CCDC92: variants seen among roughly 807,000 people sequenced by gnomAD.
CCDC92 encodes coiled-coil domain containing 92.
CCDC92 carries 12 observed loss-of-function variants against 24.9 expected under a neutral mutation model. The ratio of observed to expected loss-of-function variants is 0.48; its 90% CI spans 0.31 to 0.78. The LOEUF is 0.78. CCDC92 is among the 30% of genes least tolerant of loss of function. The pLI, the probability that CCDC92 is intolerant of heterozygous loss-of-function variation, is 0.05. For missense variants in CCDC92, 399 were observed against 439.4 expected (o/e 0.91, Z 0.82); for synonymous variants, 193 against 196.3 (o/e 0.98, Z 0.14).
intron 1 of CCDC92, among the ~76,000 whole-genome samples, chr12:123,956,967 AT>A (rs2138100079): frequency 6.6e-6 from 1 of 152,320 alleles, no homozygotes; most frequent in African/African-American, 2.4e-5. Flanking sequence ...GTATTTTCTT[AT>A]TCTTACTGTC....
At chr12:123,948,459 G>T (rs867460362) in intron 1 of CCDC92, among the ~76,000 whole-genome samples, 33 of 152,198 alleles carry the variant, frequency 2.2e-4, no homozygotes, top group Non-Finnish European at 3.8e-4. Flanking sequence ...TCCTTAAAGC[G>T]TCCCATTATA....
chr12:123,957,445 G>A (rs1956173153), intron 1 of CCDC92, among the ~76,000 whole-genome samples: 1 of 152,178 alleles, frequency 6.6e-6, no homozygotes, highest in Non-Finnish European at 1.5e-5. Flanking sequence ...GCCCCACGAT[G>A]CCTTTCAGTT....
intron 1 of CCDC92, among the ~76,000 whole-genome samples, chr12:123,951,596 G>A (rs572455197): frequency 7.2e-5 from 11 of 152,302 alleles, no homozygotes; most frequent in East Asian, 1.9e-4. Flanking sequence ...CATGAACAAC[G>A]GGAGCCCTGC....
At chr12:123,956,561 G>A (rs1017251350) in intron 1 of CCDC92, 5 of 152,208 alleles carry the variant, frequency 3.3e-5, no homozygotes, top group African/African-American at 1.2e-4. Context: ...TCCCAGAATC[G>A]TATGTTTCAG....
chr12:123,944,227 C>A, intron 2 of CCDC92, 45 bp downstream of exon 2: 1 of 1,286,556 alleles, frequency 7.8e-7, no homozygotes, highest in East Asian at 2.3e-5. Context: ...CCCTCCCAGC[C>A]CCAGCTTCCA....
chr12:123,960,807 T>C lies in CCDC92; in HGVS notation c.-60+11722A>G, dbSNP rs1427650654. 3 of 152,258 alleles carry C rather than the reference T, an allele frequency of 2.0e-5. No homozygotes were observed. The South Asian group carries it at 6.2e-4, about 31-fold the overall frequency. 9.4% of individuals were successfully genotyped at this position (152,258 alleles called of 1,614,324 possible). On this transcript the variant is annotated intron_variant, in intron 1 of 4. Coordinates refer to ENST00000238156, the MANE Select transcript of CCDC92 (RefSeq NM_025140.3). ...CCAAATTTAAAAGTGCACTGTCCCA[T>C]GAATTCCAAAGCCTAGTCGCCTAGC...
chr12:123,942,658 C>T (rs1955721197), intron 4 of CCDC92, 86 bp downstream of exon 4: 1 of 1,010,806 alleles, frequency 9.9e-7, no homozygotes, highest in African/African-American at 1.6e-5. Flanking sequence ...AGCATTTTCT[C>T]CTAAGTGTGT....
rs113850471 is a variant in CCDC92, at chr12:123,956,758, G to A, written c.-59-12394C>T. 1.0e-3 allele frequency among the ~76,000 whole-genome samples: 157 copies of A among 152,246 alleles called. 1 individual carries two copies. Among genetic ancestry groups the A allele is most frequent in the African/African-American group, 3.4e-3 (143 of 41,540 alleles). ...TCTTTGCAACCAAATTTTGATCATC[G>A]TAGATAAATGAGCCATTAGTGCATT... is the stretch of plus-strand genomic sequence containing the variant. On this transcript the variant is annotated intron_variant, in intron 1 of 4. Transcript: ENST00000238156.
Position 123,937,202 on chromosome 12 carries a change from C to G in CCDC92, c.852G>C (p.Pro284=). Residue 284 remains proline, a synonymous_variant, in exon 5 of 5, where the codon CCG becomes CCC. Transcript: ENST00000238156. The surrounding 1 kb of genome is among the most constrained non-coding windows in gnomAD (Gnocchi z 8.4). ...GTGCCACCCCGACGTGGGCCTTGTG[C>G]GGCTTTTCGCGGGCCGGGCTGTGCT... ...GEQHSPAREK[P]HKAHVGVAHR... The G allele has an allele frequency of 1.9e-6, 3 of 1,609,164 alleles. No homozygotes were observed. Among genetic ancestry groups the G allele is most frequent in the Non-Finnish European group, 2.5e-6 (3 of 1,179,294 alleles).
rs1274537752 is a variant in CCDC92, at chr12:123,935,773, G to C, written c.*1285C>G. 1 of 305,084 alleles carries C rather than the reference G, an allele frequency of 3.3e-6. No individual in the cohort carries two copies. The highest frequency in any genetic ancestry group is 6.1e-6 in the Non-Finnish European group (1 of 164,652). The allele number at this position is 305,084 out of a possible 1,614,324, so 18.9% of individuals were successfully genotyped here. A position where few individuals can be genotyped will look rare whatever the true frequency, so the allele number is the denominator to read the frequency against. On this transcript the variant is annotated 3_prime_UTR_variant, in exon 5 of 5. Transcript: ENST00000238156. Reference sequence around the variant, plus strand: ...AGAGAAAACACTTGATTAGGCAAAAGTGCCTGGCATACATAGCATTGGCAC... The same window carrying C: ...AGAGAAAACACTTGATTAGGCAAAACTGCCTGGCATACATAGCATTGGCAC...
chr12:123,958,876 A>G (rs1292154776), intron 1 of CCDC92, among the ~76,000 whole-genome samples: 3 of 152,104 alleles, frequency 2.0e-5, no homozygotes, highest in Non-Finnish European at 4.4e-5. Flanking sequence ...ACAGGCCTAC[A>G]TTTTTCCTGA....
chr12:123,937,728 A>C lies in CCDC92; in HGVS notation c.326T>G (p.Leu109Arg), dbSNP rs756831339. 5.0e-6 allele frequency: 8 copies of C among 1,613,984 alleles called. No homozygotes were observed. Among genetic ancestry groups the C allele is most frequent in the Admixed American group, 1.7e-5 (1 of 60,008 alleles). The change falls in exon 5 of 5, where the codon CTG becomes CGG. Residue 109 changes from leucine to arginine, a missense_variant. Physicochemically the swap from Leu to Arg is moderately radical, Grantham distance 102. Transcript: ENST00000238156. This position sits in a 1 kb window ranked among gnomAD's most constrained non-coding sequence, Gnocchi z 8.4. Reference sequence around the variant, plus strand: ...TGTGATCATCGCGTTTTTCTGCTCCAGTTCTTTCAACAACTCAGCATTTTC... The same window carrying C: ...TGTGATCATCGCGTTTTTCTGCTCCCGTTCTTTCAACAACTCAGCATTTTC... Reference protein sequence around the residue: ...ENENAELLKELEQKNAMITVL... With the variant: ...ENENAELLKEREQKNAMITVL...
intron 1 of CCDC92, among the ~76,000 whole-genome samples, chr12:123,966,786 C>G (rs887437031): frequency 6.6e-6 from 1 of 152,220 alleles, no homozygotes; most frequent in African/African-American, 2.4e-5. Flanking sequence ...GCACTCTGCT[C>G]TAACCACAGC....
intron 1 of CCDC92, among the ~76,000 whole-genome samples, chr12:123,952,962 C>A (rs184577826): frequency 2.0e-5 from 3 of 152,236 alleles, no homozygotes. Flanking sequence ...CGAGTTGCAA[C>A]CTCTCTGAGT....
intron 4 of CCDC92, among the ~76,000 whole-genome samples, chr12:123,940,159 G>A (rs1259060671): frequency 2.6e-5 from 4 of 152,206 alleles, no homozygotes; most frequent in South Asian, 4.1e-4. Flanking sequence ...GCCCACAAAG[G>A]CAGAGGGCCC....
chr12:123,959,238 A>G (rs964615437), intron 1 of CCDC92, among the ~76,000 whole-genome samples: 18 of 152,198 alleles, frequency 1.2e-4, no homozygotes, highest in Admixed American at 7.2e-4. Context: ...ATGCTGTCCA[A>G]TGGAACTTTC....
Position 123,937,706 on chromosome 12 carries a change from G to T in CCDC92, c.348C>A (p.Ile116=), listed in dbSNP as rs772402768. ...LKELEQKNAM[I]TVLENTIKER... ...CCTTGATGGTGTTCTCCAGCACTGT[G>T]ATCATCGCGTTTTTCTGCTCCAGTT... The change falls in exon 5 of 5, where the codon ATC becomes ATA. Residue 116 remains isoleucine, a synonymous_variant. Transcript: ENST00000238156. This position sits in a 1 kb window ranked among gnomAD's most constrained non-coding sequence, Gnocchi z 8.4. 3.7e-6 allele frequency: 6 copies of T among 1,614,032 alleles called. No homozygotes were observed. The Admixed American group carries it at 1.0e-4, about 27-fold the overall frequency.
chr12:123,955,840 T>A (rs1021321165), intron 1 of CCDC92, among the ~76,000 whole-genome samples: 1 of 152,078 alleles, frequency 6.6e-6, no homozygotes, highest in African/African-American at 2.4e-5. Context: ...AGTAAAAGAG[T>A]CCATGGTTTC....
chr12:123,937,096 C>G lies in CCDC92; in HGVS notation c.958G>C (p.Val320Leu). 6.2e-7 allele frequency: 1 copy of G among 1,613,986 alleles called. No homozygotes were observed. Among genetic ancestry groups the G allele is most frequent in the East Asian group, 2.2e-5 (1 of 44,884 alleles). Reference protein sequence around the residue: ...LAVDQVNGGKVVRKHSGTDRT... With the variant: ...LAVDQVNGGKLVRKHSGTDRT... ...TCCGTCCCTGAGTGCTTCCTCACCA[C>G]CTTGCCTCCGTTCACCTGGTCGACC... The change falls in exon 5 of 5, where the codon GTG becomes CTG. Residue 320 changes from valine to leucine, a missense_variant. Coordinates refer to ENST00000238156, the MANE Select transcript of CCDC92 (RefSeq NM_025140.3). This position sits in a 1 kb window ranked among gnomAD's most constrained non-coding sequence, Gnocchi z 8.4.
Sources: gnomAD v4.1 joint callset for allele counts (sites outside exome capture counted in the v4.1 genomes callset) on GRCh38, gnomAD v4.1.1 for gene constraint, Gnocchi (gnomAD v3.1) non-coding constraint, MANE v1.5 for transcripts, NCBI Gene and HGNC (gene_info 2026-07-23, HGNC 2026-07-21) for gene names.